The following CLSTN2 variants were observed in gnomAD, a reference collection of about 807,000 sequenced individuals.
CLSTN2 encodes calsyntenin 2.
In CLSTN2, 48 loss-of-function variants were observed where a neutral mutation model predicts 101.2. The ratio of observed to expected loss-of-function variants is 0.47; its 90% CI spans 0.38 to 0.60. The LOEUF (loss-of-function observed/expected upper bound fraction) is 0.60, where lower values mean the gene tolerates loss of function less well. CLSTN2 is among the 20% of genes least tolerant of loss of function. The pLI is 0.00. For missense variants in CLSTN2, 1,160 were observed against 1,238.2 expected, an observed-to-expected ratio of 0.94 and a Z score of 0.95; for synonymous variants, 481 against 463.6, an observed-to-expected ratio of 1.04 and a Z score of -0.48.
intron 2 of CLSTN2, among the ~76,000 whole-genome samples, chr3:140,363,447 A>C (rs2087750142): frequency 6.6e-6 from 1 of 152,228 alleles, no homozygotes; most frequent in South Asian, 2.1e-4. Flanking sequence ...TATGTAATTG[A>C]GATATGCACT....
intron 1 of CLSTN2, among the ~76,000 whole-genome samples, chr3:140,000,441 G>A (rs1425186313): frequency 6.6e-6 from 1 of 152,164 alleles, no homozygotes; most frequent in Admixed American, 6.5e-5. Flanking sequence ...GAAATAAGAT[G>A]TAATAAATCA....
intron 2 of CLSTN2, among the ~76,000 whole-genome samples, chr3:140,286,227 G>A (rs1398802518): frequency 6.6e-6 from 1 of 152,170 alleles, no homozygotes; most frequent in Non-Finnish European, 1.5e-5. Flanking sequence ...AATAGACCAT[G>A]GATCAGAGTT....
At chr3:140,562,470 G>A (rs1935937275) in intron 13 of CLSTN2, among the ~76,000 whole-genome samples, 162 bp downstream of exon 13, 1 of 152,180 alleles carries the variant, frequency 6.6e-6, no homozygotes, top group Non-Finnish European at 1.5e-5. Flanking sequence ...CCCTCCTTTG[G>A]CAAGTTACTC....
In CLSTN2 at chr3:139,955,112, C is replaced by CTATATATATATATATATATATATA. The variant is rs58418059; in HGVS notation, c.109+19633_109+19656dup. Among the ~76,000 whole-genome samples the CTATATATATATATATATATATATA allele has an allele frequency of 6.6e-4, 47 of 71,542 alleles. 9 individuals are homozygous for CTATATATATATATATATATATATA. The highest frequency in any genetic ancestry group is 6.2e-4 in the African/African-American group (11 of 17,862). 46.9% of individuals were successfully genotyped at this position (71,542 alleles called of 152,430 possible). A position where few individuals can be genotyped will look rare whatever the true frequency, so the allele number is the denominator to read the frequency against. On this transcript the variant is annotated intron_variant, in intron 1 of 16. Transcript: ENST00000458420. ...CATACATGTATATATGGCAATATTGCTATATATATATATATATATATATAT... is the reference window on the plus strand; with the variant it reads ...CATACATGTATATATGGCAATATTGCTATATATATATATATATATATATATATATATATATATATATATATATAT...
At chr3:140,299,249 C>T (rs1452677230) in intron 2 of CLSTN2, among the ~76,000 whole-genome samples, 4 of 152,202 alleles carry the variant, frequency 2.6e-5, no homozygotes, top group African/African-American at 9.6e-5. Context: ...GCCATTCACT[C>T]ATCAGATCTT....
At chr3:140,135,261 T>A (rs1397539520) in intron 1 of CLSTN2, among the ~76,000 whole-genome samples, 1 of 151,416 alleles carries the variant, frequency 6.6e-6, no homozygotes, top group Non-Finnish European at 1.5e-5. Flanking sequence ...TTTAATTTTG[T>A]TTCCTTCTGT....
intron 8 of CLSTN2, among the ~76,000 whole-genome samples, chr3:140,520,369 A>T (rs1398729747): frequency 6.6e-6 from 1 of 152,248 alleles, no homozygotes; most frequent in African/African-American, 2.4e-5. Flanking sequence ...CATTGCTGGG[A>T]AGCCCCCAGG....
chr3:140,282,445 C>T (rs146040754), intron 2 of CLSTN2, among the ~76,000 whole-genome samples: 1 of 152,248 alleles, frequency 6.6e-6, no homozygotes, highest in African/African-American at 2.4e-5. Context: ...CCTTTCCCTT[C>T]AGTTTACTGC....
chr3:139,935,321 G>C lies in CLSTN2; in HGVS notation c.-54G>C. ...CGGTGCGGCAGGCACCGGGAGGCGAGAGCCGGCGCGGACAGTAGGCGGCGG... is the reference window on the plus strand; with the variant it reads ...CGGTGCGGCAGGCACCGGGAGGCGACAGCCGGCGCGGACAGTAGGCGGCGG... On this transcript the variant is annotated 5_prime_UTR_variant, in exon 1 of 17. Coordinates refer to ENST00000458420, the MANE Select transcript of CLSTN2 (RefSeq NM_022131.3). This position sits in a 1 kb window ranked among gnomAD's most constrained non-coding sequence, Gnocchi z 5.5. The C allele has an allele frequency of 2.0e-6, 2 of 1,009,860 alleles. No individual in the cohort carries two copies. The highest frequency in any genetic ancestry group is 3.7e-4 in the Middle Eastern group (1 of 2,738). 62.6% of individuals were successfully genotyped at this position (1,009,860 alleles called of 1,614,324 possible).
chr3:139,955,211 G>A (rs953538053), intron 1 of CLSTN2, among the ~76,000 whole-genome samples: 7 of 144,550 alleles, frequency 4.8e-5, no homozygotes, highest in Non-Finnish European at 7.5e-5. Context: ...TGGCTGACCC[G>A]TGCATTGTGT....
At chr3:140,490,068 G>A (rs1401918112) in intron 8 of CLSTN2, among the ~76,000 whole-genome samples, 43 of 282 alleles carry the variant, frequency 0.15, 9 homozygotes, top group East Asian at 0.75. Context: ...GTGTGTGTGT[G>A]TGTGTGTGTG....
At chr3:140,357,562 T>C (rs2087684651) in intron 2 of CLSTN2, among the ~76,000 whole-genome samples, 1 of 152,082 alleles carries the variant, frequency 6.6e-6, no homozygotes, top group East Asian at 1.9e-4. Flanking sequence ...GTGCTCACTT[T>C]AGCACTCGCC....
intron 1 of CLSTN2, among the ~76,000 whole-genome samples, chr3:140,120,138 G>A (rs1267620842): frequency 1.3e-5 from 2 of 152,070 alleles, no homozygotes; most frequent in African/African-American, 4.8e-5. Context: ...ATAGGTTGGG[G>A]CTTAGTCATC....
At chr3:140,325,180 G>A (rs1338714243) in intron 2 of CLSTN2, among the ~76,000 whole-genome samples, 2 of 152,176 alleles carry the variant, frequency 1.3e-5, no homozygotes, top group African/African-American at 4.8e-5. Context: ...TTACAGGCAT[G>A]AGCCACTGCA....
intron 7 of CLSTN2, among the ~76,000 whole-genome samples, chr3:140,466,213 T>A (rs988701224): frequency 3.9e-5 from 6 of 152,164 alleles, no homozygotes; most frequent in African/African-American, 1.4e-4. Context: ...GAAACCAGTA[T>A]GTTAAAGGAG....
chr3:140,539,670 G>A (rs77287371), intron 9 of CLSTN2, among the ~76,000 whole-genome samples: 2,476 of 152,278 alleles, frequency 0.016, 69 homozygotes, highest in African/African-American at 0.055. Flanking sequence ...TGAGTTGTAC[G>A]CAGCCAGTGC....
chr3:140,490,768 C>A (rs930111778), intron 8 of CLSTN2, among the ~76,000 whole-genome samples: 1 of 152,084 alleles, frequency 6.6e-6, no homozygotes, highest in Non-Finnish European at 1.5e-5. Flanking sequence ...TAACGAGGAG[C>A]AGACCCCACA....
At chr3:140,259,934 C>A (rs1402306840) in intron 2 of CLSTN2, among the ~76,000 whole-genome samples, 1 of 151,668 alleles carries the variant, frequency 6.6e-6, no homozygotes, top group East Asian at 1.9e-4. Context: ...ATCTTTTACC[C>A]AAACAGGAGA....
At chr3:140,225,188 C>T (rs1429512197) in intron 2 of CLSTN2, among the ~76,000 whole-genome samples, 1 of 152,202 alleles carries the variant, frequency 6.6e-6, no homozygotes, top group African/African-American at 2.4e-5. Flanking sequence ...CCACCTGCTG[C>T]TTTATGGGAA....
Sources: allele counts gnomAD v4.1 joint callset (sites outside exome capture counted in the v4.1 genomes callset), GRCh38; gene constraint gnomAD v4.1.1; non-coding constraint Gnocchi (gnomAD v3.1); transcripts MANE v1.5; gene names NCBI Gene and HGNC (gene_info 2026-07-23, HGNC 2026-07-21).